The following AACS variants were observed in gnomAD, a reference collection of about 807,000 sequenced individuals.
AACS encodes acetoacetate-CoA ligase.
Under a neutral mutation model 83.1 loss-of-function variants are expected in AACS, and 69 were observed. The observed-to-expected ratio is 0.83, with a 90% CI of 0.68 to 1.01. The LOEUF (loss-of-function observed/expected upper bound fraction) is 1.01, where lower values mean the gene tolerates loss of function less well. Ranked by LOEUF, AACS falls within the 50% of genes least tolerant of loss-of-function variation. The pLI is 0.00. For missense variants in AACS, 866 were observed against 882.2 expected (o/e 0.98, Z 0.23); for synonymous variants, 333 against 343.4 (o/e 0.97, Z 0.33).
chr12:125,086,327 C>G lies in AACS; in HGVS notation c.359-3C>G, dbSNP rs1177833013. ...GTACAATTTACCCTTTTTCTCTTCCCAGGGGAAGGCAAAGAGGAAATTGTG... is the reference window on the plus strand; with the variant it reads ...GTACAATTTACCCTTTTTCTCTTCCGAGGGGAAGGCAAAGAGGAAATTGTG... On this transcript the variant is annotated splice_region_variant and splice_polypyrimidine_tract_variant and intron_variant, in intron 3 of 17. Transcript: ENST00000316519. 6.2e-7 allele frequency: 1 copy of G among 1,613,080 alleles called. No individual in the cohort carries two copies. The highest frequency in any genetic ancestry group is 8.5e-7 in the Non-Finnish European group (1 of 1,179,626).
intron 14 of AACS, among the ~76,000 whole-genome samples, chr12:125,132,333 C>T (rs1417534533): frequency 6.6e-6 from 1 of 152,222 alleles, no homozygotes; most frequent in Non-Finnish European, 1.5e-5. Context: ...GGGCACAGTA[C>T]TGCAGATGGC....
intron 7 of AACS, 35 bp from the exon 8 acceptor site, chr12:125,107,086 G>A (rs770955788): frequency 3.3e-5 from 53 of 1,613,364 alleles, no homozygotes; most frequent in Middle Eastern, 1.6e-4. Flanking sequence ...ATTCTGGGAC[G>A]TTCATGGCGT....
chr12:125,103,071 A>G lies in AACS; in HGVS notation c.757A>G (p.Ile253Val). 1 of 1,613,820 alleles carries G rather than the reference A, an allele frequency of 6.2e-7. No homozygotes were observed. The highest frequency in any genetic ancestry group is 8.5e-7 in the Non-Finnish European group (1 of 1,179,944). ...CAGAGAGAACATAGACCTTTCAAAG[A>G]TTCCAAACAGGTAATGTACCGCATT... ...SSRENIDLSK[I>V]PNSVFLDDFL... The change falls in exon 7 of 18, where the codon ATT (isoleucine) becomes GTT (valine). Residue 253 changes from isoleucine (I) to valine (V), a missense_variant. Transcript: ENST00000316519.
intron 14 of AACS, among the ~76,000 whole-genome samples, chr12:125,132,295 C>T (rs1957339473): frequency 6.6e-6 from 1 of 152,158 alleles, no homozygotes; most frequent in Admixed American, 6.5e-5. Flanking sequence ...CCTCCTTTTT[C>T]TCTGCATTTC....
intron 15 of AACS, 59 bp downstream of exon 15, chr12:125,134,131 G>T: frequency 1.3e-6 from 2 of 1,573,198 alleles, no homozygotes; most frequent in Middle Eastern, 1.7e-4. Flanking sequence ...AGGCATGGGG[G>T]TGGGAGAGGA....
At chr12:125,093,424 T>C (rs561161079) in intron 5 of AACS, among the ~76,000 whole-genome samples, 55 of 152,328 alleles carry the variant, frequency 3.6e-4, no homozygotes, top group African/African-American at 1.2e-3. Flanking sequence ...GCTGGGTCAT[T>C]GTCCTGTGCA....
intron 3 of AACS, among the ~76,000 whole-genome samples, chr12:125,082,119 C>T (rs1956204067): frequency 6.6e-6 from 1 of 151,498 alleles, no homozygotes; most frequent in Non-Finnish European, 1.5e-5. Flanking sequence ...AAGTGATCTG[C>T]CCGCCTCCCA....
At position 125,134,012 on chromosome 12, in the gene AACS, C is replaced by T; in HGVS notation, c.1559C>T (p.Ala520Val). The T allele has an allele frequency of 6.2e-7, 1 of 1,614,156 alleles. No homozygotes were observed. The highest frequency in any genetic ancestry group is 8.5e-7 in the Non-Finnish European group (1 of 1,180,018). Residue 520 changes from alanine (A) to valine (V), a missense_variant, in exon 15 of 18, where the codon GCT becomes GTT. By Grantham distance (64) the Ala-to-Val change is moderately conservative. Coordinates refer to ENST00000316519, the MANE Select transcript of AACS (RefSeq NM_023928.5). ...AYFSKFPGIWAHGDYCRINPK... is the reference protein window; with the variant it reads ...AYFSKFPGIWVHGDYCRINPK... ...TCTGCTGTCTTTGCAGGTATCTGGG[C>T]TCATGGCGACTACTGCAGAATCAAC...
rs796515472 is a variant in AACS, at chr12:125,084,713, G to A, written c.359-1617G>A. On this transcript the variant is annotated intron_variant, in intron 3 of 17. Transcript: ENST00000316519. ...CCCACTTCAGTATCCCGAGTAGATAGGACTATAGGTAAGCACCACCATGCT... is the reference window on the plus strand; with the variant it reads ...CCCACTTCAGTATCCCGAGTAGATAAGACTATAGGTAAGCACCACCATGCT... Among the ~76,000 whole-genome samples, 67 of 151,974 alleles carry A rather than the reference G, an allele frequency of 4.4e-4. 1 individual carries two copies. The highest frequency in any genetic ancestry group is 1.6e-3 in the African/African-American group (65 of 41,468).
chr12:125,073,583 G>C (rs1332229214), intron 1 of AACS, among the ~76,000 whole-genome samples: 2 of 152,176 alleles, frequency 1.3e-5, no homozygotes, highest in Non-Finnish European at 2.9e-5. Context: ...GCAGAACCAG[G>C]ATTTGAACCC....
rs528992116 is a variant in AACS at position 125,086,516 on chromosome 12, C to T, written c.472+73C>T. 60 of 1,390,976 alleles carry T rather than the reference C, an allele frequency of 4.3e-5. 1 individual carries two copies. Among genetic ancestry groups the T allele is most frequent in the East Asian group, 3.0e-4 (13 of 43,568 alleles). The allele number at this position is 1,390,976 out of a possible 1,614,324, so 86.2% of individuals were successfully genotyped here. A position where few individuals can be genotyped will look rare whatever the true frequency, so the allele number is the denominator to read the frequency against. On this transcript the variant is annotated intron_variant, in intron 4 of 17. Coordinates refer to ENST00000316519, the MANE Select transcript of AACS (RefSeq NM_023928.5). ...AGAATGGGTGATGTGAAGGTCAAGA[C>T]GGCTTTCAAATAAGGGGGAGTCATG...
intron 15 of AACS, 130 bp downstream of exon 15, chr12:125,134,202 G>A (rs141883549): frequency 6.4e-5 from 62 of 966,252 alleles, no homozygotes; most frequent in Non-Finnish European, 8.3e-5. Context: ...TCCAGCACCA[G>A]GGTGTCCACA....
intron 14 of AACS, among the ~76,000 whole-genome samples, chr12:125,133,753 G>A (rs912205043): frequency 3.3e-5 from 5 of 152,336 alleles, no homozygotes; most frequent in Admixed American, 2.6e-4. Flanking sequence ...GTGAATTCCC[G>A]GGTCCTTGCT....
chr12:125,141,686 G>C (rs1039448343), intron 17 of AACS: 2 of 147,384 alleles, frequency 1.4e-5, no homozygotes, highest in African/African-American at 5.4e-5. Flanking sequence ...GACAGAGTGC[G>C]ACTCTGTCTC....
intron 5 of AACS, among the ~76,000 whole-genome samples, chr12:125,093,930 C>T (rs1411406698): frequency 6.6e-6 from 1 of 152,224 alleles, no homozygotes; most frequent in East Asian, 1.9e-4. Flanking sequence ...TGGCCGTGTG[C>T]ACCCAGCGTG....
chr12:125,105,523 C>T (rs1474784139), intron 7 of AACS: 2 of 152,220 alleles, frequency 1.3e-5, no homozygotes, highest in African/African-American at 2.4e-5. Context: ...GGAGGAAAAC[C>T]AGACAGGGTT....
intron 17 of AACS, chr12:125,141,723 A>G (rs1484725048): frequency 5.4e-6 from 1 of 183,786 alleles, no homozygotes; most frequent in African/African-American, 2.4e-5. Flanking sequence ...AAAAAAAAGA[A>G]AAAAAGAAAA....
At chr12:125,132,765 C>T (rs1175715447) in intron 14 of AACS, among the ~76,000 whole-genome samples, 2 of 152,200 alleles carry the variant, frequency 1.3e-5, no homozygotes, top group African/African-American at 2.4e-5. Flanking sequence ...GGACCATGCA[C>T]TCCTGTACAC....
rs907794391 is a variant in AACS, at chr12:125,128,191, G to T, written c.1340G>T (p.Gly447Val). The stretch of plus-strand genomic sequence containing the variant: ...ACCGACATCATCTCCTGCTTCATGG[G>T]CCACAATTTTTCTCTTCCTGTGTAT... ...GGTDIISCFM[G>V]HNFSLPVYKG... Residue 447 changes from glycine to valine, a missense_variant, in exon 13 of 18, where the codon GGC (glycine) becomes GTC (valine). By Grantham distance (109) the Gly-to-Val change is moderately radical. Coordinates refer to ENST00000316519, the MANE Select transcript of AACS (RefSeq NM_023928.5). 1.2e-6 allele frequency: 2 copies of T among 1,612,274 alleles called. No homozygotes were observed. The highest frequency in any genetic ancestry group is 1.7e-6 in the Non-Finnish European group (2 of 1,178,776).
Sources: gnomAD v4.1 joint callset for allele counts (sites outside exome capture counted in the v4.1 genomes callset) on GRCh38, gnomAD v4.1.1 for gene constraint, MANE v1.5 for transcripts, NCBI Gene and HGNC (gene_info 2026-07-23, HGNC 2026-07-21) for gene names.